Variants in OFD1 observed in about 807,000 individuals in gnomAD.
OFD1 encodes the protein centriole and centriolar satellite protein OFD1.
OFD1 carries 12 observed loss-of-function variants against 81.4 expected under a neutral mutation model. The ratio of observed to expected loss-of-function variants is 0.15; its 90% CI spans 0.09 to 0.24. The LOEUF is 0.24. OFD1 is among the 10% of genes least tolerant of loss of function. The pLI is 1.00. For missense variants in OFD1, 685 were observed against 733.9 expected (o/e 0.93, Z 0.77); for synonymous variants, 256 against 263.7 (o/e 0.97, Z 0.28).
At chrX:13,717,613 C>T in the OFD1 span, among the ~76,000 whole-genome samples, 1 of 110,212 alleles carries the variant, frequency 9.1e-6, no homozygotes, top group Non-Finnish European at 1.9e-5. Flanking sequence ...GTGGTGCATG[C>T]CTGTAATCCC....
At chrX:13,764,393 A>G (rs1170948311) in intron 19 of OFD1, among the ~76,000 whole-genome samples, 1 of 112,317 alleles carries the variant, frequency 8.9e-6, no homozygotes, top group African/African-American at 3.2e-5. Flanking sequence ...GAGTTAGCGT[A>G]GCACTGGAGG....
the OFD1 span, chrX:13,722,027 T>TA: frequency 9.2e-5 from 10 of 108,543 alleles, no homozygotes; most frequent in East Asian, 2.8e-3. Flanking sequence ...GCTGGAATGA[T>TA]AAAAAAGCTA....
At chrX:13,747,303 C>T (rs1218049631) in intron 8 of OFD1, among the ~76,000 whole-genome samples, 2 of 111,443 alleles carry the variant, frequency 1.8e-5, no homozygotes. Flanking sequence ...GAAGAACAGC[C>T]CTTTAAAGCA....
chrX:13,761,129 A>G lies in OFD1; in HGVS notation c.2305A>G (p.Arg769Gly), dbSNP rs759933503. Residue 769 changes from arginine (R) to glycine (G), a missense_variant, in exon 17 of 23, where the codon AGA becomes GGA. Arg to Gly is a moderately radical substitution (Grantham distance 125, BLOSUM62 -2). This residue lies in a region of OFD1 where 259 missense variants were observed against 254.4 expected (regional missense o/e 1.02). Transcript: ENST00000340096. ...HIASPSPCPD[R>G]MPLPSPTESR... ...TGCTTCCCCCAGTCCTTGTCCTGAC[A>G]GAATGCCCCTACCATCACCCACTGA... 1.2e-5 allele frequency: 15 copies of G among 1,208,739 alleles called. No homozygotes were observed. Among genetic ancestry groups the G allele is most frequent in the Non-Finnish European group, 1.2e-5 (11 of 894,439 alleles).
At chrX:13,725,980 G>C in the OFD1 span, among the ~76,000 whole-genome samples, 216 of 111,919 alleles carry the variant, frequency 1.9e-3, 1 homozygote, top group African/African-American at 6.3e-3. Flanking sequence ...TTCAATAACT[G>C]ATTTGATCAA....
In OFD1 at chrX:13,757,672, C is replaced by T. The variant is rs779976015; in HGVS notation, c.1424C>T (p.Pro475Leu). 2.5e-6 allele frequency: 3 copies of T among 1,208,526 alleles called. No homozygotes were observed. Among genetic ancestry groups the T allele is most frequent in the East Asian group, 3.0e-5 (1 of 33,754 alleles). ...NLRLLNRLAQ[P>L]APELAVFQKE... ...TTTACCTTCTTAGGCCTAGCTCAGC[C>T]GGCTCCTGAACTTGCAGTCTTTCAG... Residue 475 changes from proline to leucine, a missense_variant, in exon 14 of 23, where the codon CCG (proline) becomes CTG (leucine). Around this residue, in one of 3 missense-constraint regions of OFD1, gnomAD observed 414 missense variants for 447.2 expected, o/e 0.93. Transcript: ENST00000340096.
chrX:13,735,991 T>C (rs1418936715), intron 2 of OFD1: 1 of 195,143 alleles, frequency 5.1e-6, no homozygotes, highest in East Asian at 2.3e-4. Flanking sequence ...TTTCCCTGTT[T>C]CCTTAAAAGT....
chrX:13,743,150 A>G (rs2047171590), intron 5 of OFD1, among the ~76,000 whole-genome samples: 1 of 112,578 alleles, frequency 8.9e-6, no homozygotes, highest in Middle Eastern at 4.6e-3. Context: ...CGCTCCACTG[A>G]TAACTAGAAT....
chrX:13,751,496 A>G (rs1034509207), intron 10 of OFD1, 128 bp downstream of exon 10: 2 of 538,169 alleles, frequency 3.7e-6, no homozygotes, highest in Non-Finnish European at 3.0e-6. Context: ...ACATAGTTTT[A>G]TCGATACAGT....
chrX:13,749,262 C>G (rs1356759265), intron 8 of OFD1, among the ~76,000 whole-genome samples, 165 bp from the exon 9 acceptor site: 1 of 111,372 alleles, frequency 9.0e-6, no homozygotes, highest in Non-Finnish European at 1.9e-5. Context: ...TTTTATGCAA[C>G]TAGAATACGC....
At chrX:13,744,866 T>C (rs956232557) in intron 6 of OFD1, among the ~76,000 whole-genome samples, 9 of 112,593 alleles carry the variant, frequency 8.0e-5, no homozygotes, top group African/African-American at 2.9e-4. Flanking sequence ...ACTACTTGCT[T>C]TGCAAAGTAC....
chrX:13,730,184 C>G (rs779863393), upstream of OFD1, among the ~76,000 whole-genome samples: 1 of 109,432 alleles, frequency 9.1e-6, no homozygotes, highest in Non-Finnish European at 1.9e-5. Context: ...TGACGAAGGG[C>G]TAATATCCAG....
intron 3 of OFD1, among the ~76,000 whole-genome samples, chrX:13,738,422 A>G (rs959716928): frequency 1.2e-4 from 13 of 112,826 alleles, no homozygotes; most frequent in Non-Finnish European, 2.2e-4. Context: ...CTGTTAAACA[A>G]TATTTTAAGT....
intron 12 of OFD1, among the ~76,000 whole-genome samples, 162 bp from the exon 13 acceptor site, chrX:13,756,416 A>G (rs889928687): frequency 5.4e-5 from 6 of 112,069 alleles, no homozygotes; most frequent in Non-Finnish European, 7.5e-5. Context: ...GGCGGAAGAT[A>G]ATTTTCGTTA....
At chrX:13,716,396 T>C in the OFD1 span, 1 of 782,793 alleles carries the variant, frequency 1.3e-6, no homozygotes, top group South Asian at 2.5e-5. Context: ...AAAAGAAAAG[T>C]AGCCCCATAA....
At chrX:13,752,735 T>TTG (rs1312910615) in intron 10 of OFD1, 1 of 970,200 alleles carries the variant, frequency 1.0e-6, no homozygotes, top group African/African-American at 2.0e-5. Flanking sequence ...CTGCCTGGCT[T>TTG]TGGGAATCCT....
chrX:13,772,634 G>C, downstream of OFD1: 1 of 319,056 alleles, frequency 3.1e-6, no homozygotes, highest in Non-Finnish European at 5.5e-6. Context: ...CCCAAAGTAT[G>C]AACGATCATT....
intron 14 of OFD1, among the ~76,000 whole-genome samples, chrX:13,757,992 G>T (rs1380518674): frequency 8.9e-6 from 1 of 111,911 alleles, no homozygotes. Context: ...TAATAAAATG[G>T]AGAAGAAAGC....
intron 11 of OFD1, among the ~76,000 whole-genome samples, chrX:13,754,806 G>T (rs1446688810): frequency 1.8e-5 from 2 of 112,942 alleles, no homozygotes; most frequent in African/African-American, 6.4e-5. Flanking sequence ...ATAGACTTGT[G>T]TTAGATGAAG....
Sources: gnomAD v4.1 joint callset for allele counts (sites outside exome capture counted in the v4.1 genomes callset) on GRCh38, gnomAD v4.1.1 for gene constraint, gnomAD v4.1.1 regional missense constraint, MANE v1.5 for transcripts, NCBI Gene and HGNC (gene_info 2026-07-23, HGNC 2026-07-21) for gene names.